GGA3: variants seen among roughly 807,000 people sequenced by gnomAD.
The protein encoded by GGA3 is ADP-ribosylation factor-binding protein GGA3.
GGA3 carries 57 observed loss-of-function variants against 77.5 expected under a neutral mutation model. The observed-to-expected ratio is 0.74, with a 90% confidence interval of 0.59 to 0.92. The LOEUF is 0.92. Ranked by LOEUF, GGA3 falls within the 40% of genes least tolerant of loss-of-function variation. The pLI is 0.00. For missense variants in GGA3, 970 were observed against 914.9 expected (o/e 1.06, Z -0.78); for synonymous variants, 416 against 383.7 (o/e 1.08, Z -0.98).
intron 1 of GGA3, among the ~76,000 whole-genome samples, chr17:75,251,205 C>T (rs550382743): frequency 6.6e-6 from 1 of 152,162 alleles, no homozygotes; most frequent in African/African-American, 2.4e-5. Context: ...AGTCAATCAC[C>T]AAGTCTTTGT....
At position 75,246,496 on chromosome 17, in the gene GGA3, G is replaced by C. The variant is rs1380741433; in HGVS notation, c.201+13C>G. On this transcript the variant is annotated intron_variant, in intron 3 of 16. Coordinates refer to ENST00000537686, the MANE Select transcript of GGA3 (RefSeq NM_138619.4). ...GGGCTGCGGTTTCCACCTCCGGAGA[G>C]TGAAGGACCTACCGTCAGGGCCTGG... The C allele has an allele frequency of 1.9e-6, 3 of 1,569,242 alleles. No individual in the cohort carries two copies. Among genetic ancestry groups the C allele is most frequent in the Non-Finnish European group, 2.6e-6 (3 of 1,139,312 alleles).
intron 1 of GGA3, 70 bp from the exon 2 acceptor site, chr17:75,246,866 G>C: frequency 8.1e-7 from 1 of 1,230,070 alleles, no homozygotes; most frequent in Non-Finnish European, 1.2e-6. Flanking sequence ...GGTTTTCTTC[G>C]CAAGTTTTAA....
At chr17:75,258,767 A>G (rs559020470) in intron 1 of GGA3, among the ~76,000 whole-genome samples, 2 of 151,652 alleles carry the variant, frequency 1.3e-5, no homozygotes, top group Admixed American at 6.6e-5. Flanking sequence ...CTCATTCCCA[A>G]ACACCTCTGT....
intron 14 of GGA3, 103 bp from the exon 15 acceptor site, chr17:75,239,186 A>G: frequency 4.5e-6 from 5 of 1,117,312 alleles, no homozygotes; most frequent in Middle Eastern, 2.0e-4. Flanking sequence ...TGATGAGTCC[A>G]GTGCTTCCTA....
In GGA3 at chr17:75,237,862, G is replaced by A. The variant is rs1297822925; in HGVS notation, c.*417C>T. On this transcript the variant is annotated 3_prime_UTR_variant, in exon 17 of 17. Coordinates refer to ENST00000537686, the MANE Select transcript of GGA3 (RefSeq NM_138619.4). ...GCCCCTTGGGCCGTGCATCTGTCAGGTGTGAGGATGTGGCTCTTGTGGGGA... is the reference window on the plus strand; with the variant it reads ...GCCCCTTGGGCCGTGCATCTGTCAGATGTGAGGATGTGGCTCTTGTGGGGA... 1.6e-5 allele frequency: 23 copies of A among 1,400,200 alleles called. No individual in the cohort carries two copies. Among genetic ancestry groups the A allele is most frequent in the Non-Finnish European group, 3.7e-6 (4 of 1,082,596 alleles). The allele number at this position is 1,400,200 out of a possible 1,614,324, so 86.7% of individuals were successfully genotyped here. A position where few individuals can be genotyped will look rare whatever the true frequency, so the allele number is the denominator to read the frequency against.
At chr17:75,261,081 CAA>C (rs1320225591) in intron 1 of GGA3, among the ~76,000 whole-genome samples, 1 of 152,262 alleles carries the variant, frequency 6.6e-6, no homozygotes, top group Non-Finnish European at 1.5e-5. Context: ...CACATGGTCA[CAA>C]TTCTGAAGCT....
At chr17:75,260,980 A>T (rs1346034526) in intron 1 of GGA3, among the ~76,000 whole-genome samples, 1 of 152,178 alleles carries the variant, frequency 6.6e-6, no homozygotes, top group African/African-American at 2.4e-5. Flanking sequence ...TGCAGGAAAA[A>T]GGTAGAGCTC....
At chr17:75,253,830 C>A (rs969347154) in intron 1 of GGA3, among the ~76,000 whole-genome samples, 1 of 152,150 alleles carries the variant, frequency 6.6e-6, no homozygotes, top group Non-Finnish European at 1.5e-5. Context: ...CTTCCAGCCT[C>A]CATTCCTCCT....
At chr17:75,253,064 T>G (rs899433543) in intron 1 of GGA3, among the ~76,000 whole-genome samples, 4 of 152,212 alleles carry the variant, frequency 2.6e-5, no homozygotes, top group African/African-American at 9.7e-5. Flanking sequence ...TTTGGTGCCA[T>G]GACTCGGATC....
intron 1 of GGA3, among the ~76,000 whole-genome samples, chr17:75,249,424 T>C (rs1367284673): frequency 6.6e-6 from 1 of 152,188 alleles, no homozygotes; most frequent in Non-Finnish European, 1.5e-5. Flanking sequence ...ATCTGGAGCT[T>C]GAAAGGAGGG....
At position 75,239,838 on chromosome 17, in the gene GGA3, C is replaced by T. The variant is rs141316552; in HGVS notation, c.1534G>A (p.Ala512Thr). Residue 512 changes from alanine to threonine, a missense_variant, in exon 13 of 17, where the codon GCG becomes ACG. Transcript: ENST00000537686. ...GHHGLALGNS[A>T]LHHLDALDQL... is the part of the protein sequence containing the mutation. ...TCGAGGGCATCCAGGTGGTGCAGCG[C>T]GCTGTTGCCCAACGCCAAGCCATGG... 5.0e-4 allele frequency: 800 copies of T among 1,613,954 alleles called. 9 individuals carry two copies. The highest frequency in any genetic ancestry group is 3.3e-4 in the Middle Eastern group (2 of 6,062).
rs2076562914 is a variant in GGA3, at chr17:75,241,636, C to T, written c.808G>A (p.Glu270Lys). The T allele has an allele frequency of 1.9e-6, 3 of 1,614,148 alleles. No individual in the cohort carries two copies. The highest frequency in any genetic ancestry group is 1.7e-6 in the Non-Finnish European group (2 of 1,179,984). The change falls in exon 9 of 17, where the codon GAG becomes AAG. Residue 270 changes from glutamate to lysine, a missense_variant. Glu to Lys is a moderately conservative substitution (Grantham distance 56, BLOSUM62 1). Transcript: ENST00000537686. The stretch of plus-strand genomic sequence containing the variant: ...TCACCCAAACTGTTATCATTGTCCT[C>T]AGTCTCACTGGCGAGTTTAAATAAA... ...RTLFKLASET[E>K]DNDNSLGDIL... is the part of the protein sequence containing the mutation.
In GGA3 at chr17:75,243,333, G is replaced by C. The variant is rs577230978; in HGVS notation, c.424+114C>G. The C allele has an allele frequency of 1.0e-4, 137 of 1,374,184 alleles. 2 individuals carry two copies. The South Asian group carries it at 1.5e-3, about 15-fold the overall frequency. 85.1% of individuals were successfully genotyped at this position (1,374,184 alleles called of 1,614,324 possible). A position where few individuals can be genotyped will look rare whatever the true frequency, so the allele number is the denominator to read the frequency against. ...CAACTCCGACTCAGCCTTGCCTGGG[G>C]ACAAATGCTGTTCTCTTCAGGAGGG... On this transcript the variant is annotated intron_variant, in intron 5 of 16. Transcript: ENST00000537686.
rs866096492 is a variant in GGA3 at position 75,255,646 on chromosome 17, C to G, written c.40+5902G>C. Among the ~76,000 whole-genome samples the G allele has an allele frequency of 4.6e-3, 697 of 151,070 alleles. 2 individuals carry two copies. The highest frequency in any genetic ancestry group is 0.016 in the African/African-American group (662 of 40,418). On this transcript the variant is annotated intron_variant, in intron 1 of 16. Coordinates refer to ENST00000537686, the MANE Select transcript of GGA3 (RefSeq NM_138619.4). ...CATGGCCTTTTAAAGCCTATAAACT[C>G]TCCTTACAATTCCCCCATTTTACCT...
chr17:75,239,770 A>G lies in GGA3; in HGVS notation c.1583+19T>C, dbSNP rs1568112438. 6.2e-7 allele frequency: 1 copy of G among 1,612,230 alleles called. No individual in the cohort carries two copies. Among genetic ancestry groups the G allele is most frequent in the Non-Finnish European group, 8.5e-7 (1 of 1,179,110 alleles). ...CAGGCCCAACCCTCAGCAACCCCACATCTCCTCCCACTCATTACACTTTGG... is the reference window on the plus strand; with the variant it reads ...CAGGCCCAACCCTCAGCAACCCCACGTCTCCTCCCACTCATTACACTTTGG... On this transcript the variant is annotated intron_variant, in intron 13 of 16. Coordinates refer to ENST00000537686, the MANE Select transcript of GGA3 (RefSeq NM_138619.4).
rs773095912 is a variant in GGA3 at position 75,261,605 on chromosome 17, C to T, written c.-18G>A. ...TCCGCCATATTGCAGCCGCCCGGCC[C>T]CGCGGCTTCAAAACTCGCGAGAGTC... On this transcript the variant is annotated 5_prime_UTR_variant, in exon 1 of 17. Transcript: ENST00000537686. The T allele has an allele frequency of 2.7e-5, 42 of 1,540,090 alleles. 1 individual carries two copies. The South Asian group carries it at 4.8e-4, about 17-fold the overall frequency.
At chr17:75,242,066 A>G (rs906590279) in intron 8 of GGA3, 1 of 564,916 alleles carries the variant, frequency 1.8e-6, no homozygotes, top group African/African-American at 1.9e-5. Context: ...AAAGGGAGAG[A>G]GCAGGGGTGA....
chr17:75,241,770 C>A (rs1429786293), intron 8 of GGA3, 74 bp from the exon 9 acceptor site: 2 of 1,308,320 alleles, frequency 1.5e-6, no homozygotes, highest in Non-Finnish European at 2.2e-6. Context: ...AGGGTTCATG[C>A]CCAGAAAATG....
At position 75,239,377 on chromosome 17, in the gene GGA3, G is replaced by T. The variant is rs755109345; in HGVS notation, c.1778C>A (p.Pro593His). 1 of 1,544,282 alleles carries T rather than the reference G, an allele frequency of 6.5e-7. No individual in the cohort carries two copies. ...CACCTCAATCCTCCAACACCTACTA[G>T]GCTTGATCGATTCCAGGGGCACGTG... ...SIHVPLESIK[P>H]SSALPVTAYD... Residue 593 changes from proline (P) to histidine (H), a missense_variant and splice_region_variant, in exon 14 of 17, where the codon CCT (proline) becomes CAT (histidine). By Grantham distance (77) the Pro-to-His change is moderately conservative (BLOSUM62 -2). Transcript: ENST00000537686.
Sources: gnomAD v4.1 joint callset for allele counts (sites outside exome capture counted in the v4.1 genomes callset) on GRCh38, gnomAD v4.1.1 for gene constraint, MANE v1.5 for transcripts, NCBI Gene and HGNC (gene_info 2026-07-23, HGNC 2026-07-21) for gene names.